The following CYP2R1 variants were observed in gnomAD, a reference collection of about 807,000 sequenced individuals.
CYP2R1 encodes the protein cytochrome P450 family 2 subfamily R member 1, also known as vitamin D 25-hydroxylase.
In CYP2R1, 40 loss-of-function variants were observed where a neutral mutation model predicts 45.7. That is an observed-to-expected ratio of 0.87 (90% CI 0.68 to 1.14). CYP2R1 has a LOEUF of 1.14. Ranked by LOEUF, CYP2R1 falls within the 50% of genes most tolerant of loss-of-function variation. The probability of loss-of-function intolerance (pLI) is 0.00; values close to 1 mark genes in which losing one functional copy is unlikely to be tolerated. For missense variants in CYP2R1, 605 were observed against 602.6 expected (o/e 1.00, Z -0.04); for synonymous variants, 234 against 219.3 (o/e 1.07, Z -0.59).
At chr11:14,889,164 GTT>G (rs11410959) in intron 1 of CYP2R1, among the ~76,000 whole-genome samples, 1 of 140,170 alleles carries the variant, frequency 7.1e-6, no homozygotes, top group Non-Finnish European at 1.5e-5. Context: ...AAGTCCAGTT[GTT>G]TTTTTTTTTT....
intron 1 of CYP2R1, among the ~76,000 whole-genome samples, chr11:14,887,880 G>C (rs550595409): frequency 1.3e-5 from 2 of 152,090 alleles, no homozygotes; most frequent in Non-Finnish European, 2.9e-5. Flanking sequence ...GCAGGTGACC[G>C]GTCTAAGTCA....
chr11:14,892,096 A>T lies in CYP2R1; in HGVS notation c.110T>A (p.Met37Lys). ...VRQLLKQRRP[M>K]GFPPGPPGLP... is the part of the protein sequence containing the mutation. ...CCCCGGCGGCCCCGGGGGGAAGCCC[A>T]TCGGCCGCCTCTGCTTCAGCAGCTG... The change falls in exon 1 of 5, where the codon ATG (methionine) becomes AAG (lysine). Residue 37 changes from methionine (M) to lysine (K), a missense_variant. By Grantham distance (95) the Met-to-Lys change is moderately conservative (BLOSUM62 -1). Transcript: ENST00000334636. 1 of 1,611,602 alleles carries T rather than the reference A, an allele frequency of 6.2e-7. No individual in the cohort carries two copies. The highest frequency in any genetic ancestry group is 8.5e-7 in the Non-Finnish European group (1 of 1,179,644).
chr11:14,882,893 A>G (rs536600965), intron 2 of CYP2R1, among the ~76,000 whole-genome samples: 2 of 152,294 alleles, frequency 1.3e-5, no homozygotes, highest in South Asian at 4.1e-4. Context: ...CCAATAACAG[A>G]CAAACACAGA....
Position 14,878,004 on chromosome 11 carries a change from G to A in CYP2R1, c.*118C>T. 1 of 1,037,228 alleles carries A rather than the reference G, an allele frequency of 9.6e-7. No individual in the cohort carries two copies. Among genetic ancestry groups the A allele is most frequent in the Non-Finnish European group, 1.5e-6 (1 of 687,942 alleles). 64.3% of individuals were successfully genotyped at this position (1,037,228 alleles called of 1,614,324 possible). On this transcript the variant is annotated 3_prime_UTR_variant, in exon 5 of 5. Coordinates refer to ENST00000334636, the MANE Select transcript of CYP2R1 (RefSeq NM_024514.5). ...TAGTACTATTTTAAGACACATCTGT[G>A]TTCATTTGGCTTTTTGATGCTGTGA... is the stretch of plus-strand genomic sequence containing the variant.
chr11:14,879,091 A>G (rs781974582), intron 4 of CYP2R1, 23 bp downstream of exon 4: 1 of 1,565,500 alleles, frequency 6.4e-7, no homozygotes, highest in South Asian at 1.1e-5. Context: ...TTCTAAAGTT[A>G]CGCCCCGTGA....
chr11:14,889,164 GTTTT>G lies in CYP2R1; in HGVS notation c.225+2813_225+2816del, dbSNP rs11410959. The stretch of plus-strand genomic sequence containing the variant: ...TCCTAAGCAATTTTAAAGTCCAGTT[GTTTT>G]TTTTTTTTTTTCTGTGAGCATACAT... On this transcript the variant is annotated intron_variant, in intron 1 of 4. Coordinates refer to ENST00000334636, the MANE Select transcript of CYP2R1 (RefSeq NM_024514.5). Among the ~76,000 whole-genome samples, 1,227 of 140,212 alleles carry G rather than the reference GTTTT, an allele frequency of 8.8e-3. 91 individuals are homozygous for G. In the East Asian group the frequency reaches 0.17, roughly 20 times the overall value. 92.0% of individuals were successfully genotyped at this position (140,212 alleles called of 152,430 possible). A position where few individuals can be genotyped will look rare whatever the true frequency, so the allele number is the denominator to read the frequency against.
In CYP2R1 at chr11:14,878,040, A is replaced by C; in HGVS notation, c.*82T>G. Reference sequence around the variant, plus strand: ...TTTTTGATGCTGTGACTTTTATTCTAATACACACATTGATTTGATTAAACC... The same window carrying C: ...TTTTTGATGCTGTGACTTTTATTCTCATACACACATTGATTTGATTAAACC... On this transcript the variant is annotated 3_prime_UTR_variant, in exon 5 of 5. Transcript: ENST00000334636. 4.1e-6 allele frequency: 6 copies of C among 1,454,794 alleles called. No individual in the cohort carries two copies. The South Asian group carries it at 7.3e-5, about 18-fold the overall frequency. The allele number at this position is 1,454,794 out of a possible 1,614,324, so 90.1% of individuals were successfully genotyped here.
Position 14,890,537 on chromosome 11 carries a change from C to CTTTTTTTTTTTTTTTTT in CYP2R1, c.225+1427_225+1443dup, listed in dbSNP as rs71044028. On this transcript the variant is annotated intron_variant, in intron 1 of 4. Coordinates refer to ENST00000334636, the MANE Select transcript of CYP2R1 (RefSeq NM_024514.5). Reference sequence around the variant, plus strand: ...TCTATTCTAGAAACCTAGACCAATTCTTTTTTTTTTTTTTTTTTTTTTTTT... The same window carrying CTTTTTTTTTTTTTTTTT: ...TCTATTCTAGAAACCTAGACCAATTCTTTTTTTTTTTTTTTTTTTTTTTTTTTTTTTTTTTTTTTTTT... The CTTTTTTTTTTTTTTTTT allele has an allele frequency of 9.3e-5, 6 of 64,276 alleles. 2 individuals carry two copies. Among genetic ancestry groups the CTTTTTTTTTTTTTTTTT allele is most frequent in the South Asian group, 1.5e-3 (2 of 1,300 alleles). 4.0% of individuals were successfully genotyped at this position (64,276 alleles called of 1,614,324 possible). A position where few individuals can be genotyped will look rare whatever the true frequency, so the allele number is the denominator to read the frequency against.
chr11:14,885,724 A>G, intron 2 of CYP2R1, 52 bp downstream of exon 2: 1 of 1,573,688 alleles, frequency 6.4e-7, no homozygotes, highest in East Asian at 2.2e-5. Flanking sequence ...AAAATAAGGA[A>G]TGTGATTTAA....
At chr11:14,890,609 C>T (rs1424700626) in intron 1 of CYP2R1, 20 of 203,930 alleles carry the variant, frequency 9.8e-5, no homozygotes, top group African/African-American at 5.8e-4. Flanking sequence ...TGCAGTGGCG[C>T]GATCTCGGCT....
intron 1 of CYP2R1, chr11:14,887,865 A>T (rs1555015220): frequency 6.5e-6 from 1 of 152,852 alleles, no homozygotes; most frequent in East Asian, 1.9e-4. Context: ...AATTTATTAT[A>T]ACCTGCAGGT....
At position 14,885,877 on chromosome 11, in the gene CYP2R1, A is replaced by C; in HGVS notation, c.266T>G (p.Leu89Arg). 1 of 1,613,698 alleles carries C rather than the reference A, an allele frequency of 6.2e-7. No individual in the cohort carries two copies. The highest frequency in any genetic ancestry group is 1.7e-4 in the Middle Eastern group (1 of 6,006). Residue 89 changes from leucine to arginine, a missense_variant, in exon 2 of 5, where the codon CTA becomes CGA. Transcript: ENST00000334636. ...LDLGGISTVVLNGYDVVKECL... is the reference protein window; with the variant it reads ...LDLGGISTVVRNGYDVVKECL... ...TTCCTTTACTACATCATAGCCATTT[A>C]GAACCACAGTTGATATGCCTCCAAG... is the stretch of plus-strand genomic sequence containing the variant.
At position 14,883,087 on chromosome 11, in the gene CYP2R1, T is replaced by C. The variant is rs1848456483; in HGVS notation, c.368-2319A>G. ...TGCTCATGGGTAGGAGGAATCAATA[T>C]CATGAAAATGGCCATACTGCCCAAG... is the stretch of plus-strand genomic sequence containing the variant. On this transcript the variant is annotated intron_variant, in intron 2 of 4. Coordinates refer to ENST00000334636, the MANE Select transcript of CYP2R1 (RefSeq NM_024514.5). Among the ~76,000 whole-genome samples the C allele has an allele frequency of 2.6e-5, 4 of 152,022 alleles. No homozygotes were observed. The South Asian group carries it at 8.3e-4, about 32-fold the overall frequency.
In CYP2R1 at chr11:14,885,870, G is replaced by A. The variant is rs1555014350; in HGVS notation, c.273C>T (p.Gly91=). 1 of 1,613,488 alleles carries A rather than the reference G, an allele frequency of 6.2e-7. No homozygotes were observed. Among genetic ancestry groups the A allele is most frequent in the Admixed American group, 1.7e-5 (1 of 59,972 alleles). Residue 91 remains glycine (G), a synonymous_variant, in exon 2 of 5, where the codon GGC becomes GGT. Transcript: ENST00000334636. ...CAAGGCATTCCTTTACTACATCATA[G>A]CCATTTAGAACCACAGTTGATATGC... ...LGGISTVVLN[G]YDVVKECLVH...
rs140280887 is a variant in CYP2R1, at chr11:14,885,415, T to C, written c.367+361A>G. Among the ~76,000 whole-genome samples the C allele has an allele frequency of 1.8e-3, 276 of 152,206 alleles. 1 individual carries two copies. The highest frequency in any genetic ancestry group is 6.3e-3 in the African/African-American group (261 of 41,548). On this transcript the variant is annotated intron_variant, in intron 2 of 4. Transcript: ENST00000334636. ...AAGTTCTGTAAGCTTATAAGTAAAATGATAGTAAAAATGTCACCAAGTACT... is the reference window on the plus strand; with the variant it reads ...AAGTTCTGTAAGCTTATAAGTAAAACGATAGTAAAAATGTCACCAAGTACT...
intron 1 of CYP2R1, chr11:14,890,760 C>T (rs1432003195): frequency 1.7e-6 from 1 of 598,830 alleles, no homozygotes; most frequent in Non-Finnish European, 2.1e-6. Context: ...GTGTTAGCCA[C>T]GACGGTCTCG....
intron 2 of CYP2R1, among the ~76,000 whole-genome samples, chr11:14,885,151 A>T (rs1848566335): frequency 6.6e-6 from 1 of 152,212 alleles, no homozygotes; most frequent in South Asian, 2.1e-4. Flanking sequence ...CAACTTTAGT[A>T]AAAATTCTTA....
chr11:14,884,000 A>G (rs1555013396), intron 2 of CYP2R1, among the ~76,000 whole-genome samples: 1 of 152,104 alleles, frequency 6.6e-6, no homozygotes, highest in Non-Finnish European at 1.5e-5. Flanking sequence ...CACACCAGTT[A>G]GAATGGCAAT....
At chr11:14,881,818 T>C (rs1194302618) in intron 2 of CYP2R1, among the ~76,000 whole-genome samples, 1 of 152,082 alleles carries the variant, frequency 6.6e-6, no homozygotes, top group Admixed American at 6.6e-5. Context: ...GCCAGCACCA[T>C]GCTTCCTATA....
Sources: gnomAD v4.1 joint callset for allele counts (sites outside exome capture counted in the v4.1 genomes callset) on GRCh38, gnomAD v4.1.1 for gene constraint, MANE v1.5 for transcripts, NCBI Gene and HGNC (gene_info 2026-07-23, HGNC 2026-07-21) for gene names.